RNF2: variants seen among roughly 807,000 people sequenced by gnomAD.
The protein encoded by RNF2 is E3 ubiquitin-protein ligase RING2.
A neutral mutation model predicts 37.2 loss-of-function variants in RNF2; 6 were observed. That is an observed-to-expected ratio of 0.16 (90% CI 0.09 to 0.32). The LOEUF is 0.32. Ranked by LOEUF, RNF2 falls within the 10% of genes least tolerant of loss-of-function variation. The pLI, the probability that RNF2 is intolerant of heterozygous loss-of-function variation, is 1.00. For missense variants in RNF2, 251 were observed against 404.0 expected, an observed-to-expected ratio of 0.62 and a Z score of 3.25; for synonymous variants, 133 against 132.7, an observed-to-expected ratio of 1.00 and a Z score of -0.02.
intron 1 of RNF2, among the ~76,000 whole-genome samples, chr1:185,074,392 C>G (rs1246577034): frequency 6.6e-6 from 1 of 151,676 alleles, no homozygotes; most frequent in African/African-American, 2.4e-5. Context: ...ATGTTCTGAC[C>G]CTCTAATCTT....
intron 1 of RNF2, among the ~76,000 whole-genome samples, chr1:185,066,668 T>G (rs1488872294): frequency 1.3e-5 from 2 of 152,216 alleles, no homozygotes; most frequent in Non-Finnish European, 1.5e-5. Context: ...GTTTTCATTA[T>G]GGATCTGTTA....
intron 4 of RNF2, among the ~76,000 whole-genome samples, chr1:185,096,059 C>T (rs1274764710): frequency 6.6e-6 from 1 of 152,122 alleles, no homozygotes; most frequent in Non-Finnish European, 1.5e-5. Flanking sequence ...CACATCAATC[C>T]TTTTTTGGAA....
chr1:185,099,034 G>A (rs1336378439), intron 5 of RNF2, among the ~76,000 whole-genome samples: 1 of 149,030 alleles, frequency 6.7e-6, no homozygotes, highest in East Asian at 2.0e-4. Flanking sequence ...ATAGGCCCAA[G>A]CCACTGTGCC....
intron 1 of RNF2, among the ~76,000 whole-genome samples, chr1:185,078,183 G>A (rs1651232952): frequency 6.6e-6 from 1 of 152,186 alleles, no homozygotes; most frequent in African/African-American, 2.4e-5. Flanking sequence ...GGAGGCAGAG[G>A]TTGCAGTGAG....
At chr1:185,059,817 G>T (rs1355562409) in intron 1 of RNF2, among the ~76,000 whole-genome samples, 1 of 152,158 alleles carries the variant, frequency 6.6e-6, no homozygotes, top group African/African-American at 2.4e-5. Flanking sequence ...GAATTCCTTA[G>T]CTGGTTTTTG....
At chr1:185,071,423 C>T (rs1472374777) in intron 1 of RNF2, 1 of 152,116 alleles carries the variant, frequency 6.6e-6, no homozygotes, top group East Asian at 1.9e-4. Flanking sequence ...ATGGATGAGG[C>T]TACATATGTC....
chr1:185,076,862 AT>A (rs202239334), intron 1 of RNF2, among the ~76,000 whole-genome samples: 6 of 149,054 alleles, frequency 4.0e-5, no homozygotes, highest in African/African-American at 9.9e-5. Flanking sequence ...TACTCTGGGC[AT>A]TTTTTTTTGC....
chr1:185,063,647 C>T (rs770872637), intron 1 of RNF2, among the ~76,000 whole-genome samples: 6 of 152,164 alleles, frequency 3.9e-5, no homozygotes, highest in South Asian at 2.1e-4. Flanking sequence ...TTTTACAGTT[C>T]TGGCAGTAAG....
rs1571332081 is a variant in RNF2 at position 185,101,345 on chromosome 1, T to C, written c.*1044T>C. The stretch of plus-strand genomic sequence containing the variant: ...TCAGTTTATAAATTTGGCGCTCTTT[T>C]AATTACACTCTGTAGAAGGTTAATA... On this transcript the variant is annotated 3_prime_UTR_variant, in exon 7 of 7. Transcript: ENST00000367510. 6.6e-6 allele frequency: 1 copy of C among 152,600 alleles called. No homozygotes were observed. Among genetic ancestry groups the C allele is most frequent in the African/African-American group, 2.4e-5 (1 of 41,446 alleles). 9.5% of individuals were successfully genotyped at this position (152,600 alleles called of 1,614,324 possible). A position where few individuals can be genotyped will look rare whatever the true frequency, so the allele number is the denominator to read the frequency against.
chr1:185,089,801 C>T (rs958477707), intron 2 of RNF2, among the ~76,000 whole-genome samples: 5 of 151,762 alleles, frequency 3.3e-5, no homozygotes, highest in South Asian at 2.1e-4. Flanking sequence ...AGGCCGAGGC[C>T]GGTGGATCAC....
In RNF2 at chr1:185,091,586, T is replaced by C; in HGVS notation, c.95T>C (p.Ile32Thr). ...YELQRTPQEA[I>T]TDGLEIVVSP... ...AAAGTGACTCTTTTACAGGAGGCAA[T>C]AACAGATGGCTTAGAAATTGTGGTT... is the stretch of plus-strand genomic sequence containing the variant. The change falls in exon 3 of 7, where the codon ATA becomes ACA. Residue 32 changes from isoleucine to threonine, a missense_variant. Physicochemically the swap from Ile to Thr is moderately conservative, Grantham distance 89. This residue lies in a region of RNF2 where 43 missense variants were observed against 82.7 expected (regional missense o/e 0.52). Transcript: ENST00000367510. 6.2e-7 allele frequency: 1 copy of C among 1,613,396 alleles called. No individual in the cohort carries two copies.
chr1:185,100,011 A>C, intron 6 of RNF2, 49 bp downstream of exon 6: 1 of 1,532,308 alleles, frequency 6.5e-7, no homozygotes, highest in Non-Finnish European at 8.9e-7. Context: ...ACACTGACCA[A>C]CTAACTGAGT....
intron 4 of RNF2, among the ~76,000 whole-genome samples, chr1:185,094,487 G>T (rs545424719): frequency 6.6e-6 from 1 of 151,750 alleles, no homozygotes; most frequent in East Asian, 1.9e-4. Flanking sequence ...ATTCCAGTCC[G>T]TAAATAAACA....
intron 4 of RNF2, among the ~76,000 whole-genome samples, chr1:185,096,042 G>A (rs34969721): frequency 0.31 from 46,856 of 151,914 alleles, 7,543 homozygotes; most frequent in Middle Eastern, 0.37. Flanking sequence ...CATTAATATA[G>A]CTCTGTCACA....
intron 1 of RNF2, among the ~76,000 whole-genome samples, chr1:185,065,650 C>T (rs1256381932): frequency 6.6e-6 from 1 of 152,152 alleles, no homozygotes; most frequent in African/African-American, 2.4e-5. Context: ...ACCACTAACT[C>T]ACCGGAAGGA....
chr1:185,064,516 T>G (rs1039062483), intron 1 of RNF2, among the ~76,000 whole-genome samples: 1 of 152,248 alleles, frequency 6.6e-6, no homozygotes, highest in Non-Finnish European at 1.5e-5. Flanking sequence ...GTGATGGGGC[T>G]GCATCTGGAT....
chr1:185,068,428 C>G (rs993813194), intron 1 of RNF2, among the ~76,000 whole-genome samples: 3 of 152,180 alleles, frequency 2.0e-5, no homozygotes, highest in Admixed American at 2.0e-4. Flanking sequence ...CCAGGTAGGC[C>G]TTAAATGTTA....
intron 2 of RNF2, among the ~76,000 whole-genome samples, chr1:185,088,957 G>A (rs937583575): frequency 6.8e-6 from 1 of 148,068 alleles, no homozygotes; most frequent in African/African-American, 2.5e-5. Context: ...TGCTGAATGG[G>A]CATTGTATTA....
intron 2 of RNF2, among the ~76,000 whole-genome samples, chr1:185,088,729 G>GA (rs562831285): frequency 7.9e-5 from 12 of 152,240 alleles, no homozygotes; most frequent in Non-Finnish European, 7.4e-5. Flanking sequence ...AACCACAACT[G>GA]AAAAAATCCA....
Sources: allele counts gnomAD v4.1 joint callset (sites outside exome capture counted in the v4.1 genomes callset), GRCh38; gene constraint gnomAD v4.1.1; regional missense constraint gnomAD v4.1.1; transcripts MANE v1.5; gene names NCBI Gene and HGNC (gene_info 2026-07-23, HGNC 2026-07-21).